COL4A4: variants seen among roughly 807,000 people sequenced by gnomAD.
COL4A4 encodes the protein collagen type IV alpha 4 chain, also known as collagen alpha-4(IV) chain.
COL4A4 carries 105 observed loss-of-function variants against 192.9 expected under a neutral mutation model. The ratio of observed to expected loss-of-function variants is 0.54; its 90% CI spans 0.46 to 0.64. The LOEUF (loss-of-function observed/expected upper bound fraction) is 0.64. Among genes scored for constraint, COL4A4 ranks in the 30% least tolerant of loss-of-function variants. The pLI is 0.00. For missense variants in COL4A4, 1,967 were observed against 2,169.3 expected, an observed-to-expected ratio of 0.91 and a Z score of 1.85; for synonymous variants, 762 against 769.9, an observed-to-expected ratio of 0.99 and a Z score of 0.17.
At chr2:227,023,922 C>G (rs1966511054) in intron 43 of COL4A4, among the ~76,000 whole-genome samples, 1 of 151,930 alleles carries the variant, frequency 6.6e-6, no homozygotes, top group East Asian at 1.9e-4. Flanking sequence ...AGGAGAATCG[C>G]TTGAACCCGG....
At chr2:226,981,569 T>TAC in the COL4A4 span, among the ~76,000 whole-genome samples, 81,254 of 150,164 alleles carry the variant, frequency 0.54, 21,959 homozygotes, top group South Asian at 0.64. Flanking sequence ...TGCACACACA[T>TAC]ACACACACAC....
At chr2:227,052,454 TCA>T in intron 31 of COL4A4, 42 bp from the exon 32 acceptor site, 1 of 1,128,456 alleles carries the variant, frequency 8.9e-7, no homozygotes, top group Non-Finnish European at 1.4e-6. Context: ...AACAGGAACA[TCA>T]CACACATAAT....
chr2:227,011,069 A>C (rs1290258351), intron 45 of COL4A4, among the ~76,000 whole-genome samples: 3 of 152,184 alleles, frequency 2.0e-5, no homozygotes, highest in Admixed American at 6.5e-5. Flanking sequence ...AAATGGAAGG[A>C]AGGCCTTGTT....
At chr2:227,098,929 A>C (rs1191738291) in intron 18 of COL4A4, 131 bp from the exon 19 acceptor site, 5 of 729,626 alleles carry the variant, frequency 6.9e-6, no homozygotes, top group South Asian at 3.5e-5. Flanking sequence ...ATTACATTTA[A>C]AACGAAATAT....
intron 28 of COL4A4, among the ~76,000 whole-genome samples, chr2:227,057,943 T>C (rs1398784637): frequency 1.3e-5 from 2 of 152,262 alleles, no homozygotes; most frequent in Non-Finnish European, 2.9e-5. Context: ...CAGTTTGCAC[T>C]GTATGAATTT....
intron 47 of COL4A4, 151 bp from the exon 48 acceptor site, chr2:227,007,739 A>C: frequency 8.7e-7 from 1 of 1,145,898 alleles, no homozygotes; most frequent in Non-Finnish European, 1.2e-6. Flanking sequence ...AAGGAGTCGT[A>C]CTCAGCATGG....
chr2:227,088,863 TC>T (rs1165351622), intron 21 of COL4A4, 47 bp from the exon 22 acceptor site: 1 of 1,603,574 alleles, frequency 6.2e-7, no homozygotes, highest in Admixed American at 1.7e-5. Flanking sequence ...CTGAATAAAA[TC>T]CCCAATAAGG....
chr2:226,989,922 T>C, the COL4A4 span, among the ~76,000 whole-genome samples: 4 of 152,206 alleles, frequency 2.6e-5, no homozygotes, highest in African/African-American at 9.7e-5. Flanking sequence ...ATTCCAGATA[T>C]TATTTCAGCA....
intron 37 of COL4A4, among the ~76,000 whole-genome samples, chr2:227,041,846 A>AAGAAAGAGAGAGAGAGAGAGAGAG (rs1559478097): frequency 5.3e-4 from 21 of 39,314 alleles, no homozygotes; most frequent in Admixed American, 2.0e-3. Flanking sequence ...GAAAGAAAGA[A>AAGAAAGAGAGAGAGAGAGAGAGAG]AGAGAAAGAA....
chr2:227,103,938 A>C (rs755300991), intron 13 of COL4A4, 34 bp downstream of exon 13: 1 of 1,531,582 alleles, frequency 6.5e-7, no homozygotes, highest in South Asian at 1.1e-5. Flanking sequence ...TTCTACTGCT[A>C]CTTTCCAAGG....
At chr2:227,079,701 G>C (rs1055865721) in intron 24 of COL4A4, among the ~76,000 whole-genome samples, 5 of 152,116 alleles carry the variant, frequency 3.3e-5, no homozygotes. Context: ...TTGACAGATG[G>C]GTAGCCTTGA....
intron 44 of COL4A4, among the ~76,000 whole-genome samples, chr2:227,020,254 C>CA (rs1553619144): frequency 6.6e-6 from 1 of 151,548 alleles, no homozygotes; most frequent in Non-Finnish European, 1.5e-5. Flanking sequence ...CAAATATATA[C>CA]ACAAGGCAGC....
At chr2:227,107,195 G>A (rs2060897164) in intron 12 of COL4A4, among the ~76,000 whole-genome samples, 1 of 152,176 alleles carries the variant, frequency 6.6e-6, no homozygotes, top group Non-Finnish European at 1.5e-5. Flanking sequence ...GAAGGGGAAA[G>A]TAGTTAGGCA....
intron 4 of COL4A4, among the ~76,000 whole-genome samples, chr2:227,121,630 A>C: frequency 6.7e-6 from 1 of 148,804 alleles, no homozygotes; most frequent in East Asian, 1.9e-4. Flanking sequence ...GAAAGGAAAA[A>C]CAAGACAAGA....
intron 2 of COL4A4, among the ~76,000 whole-genome samples, chr2:227,145,036 T>C (rs60814896): frequency 0.021 from 3,236 of 152,128 alleles, 132 homozygotes; most frequent in African/African-American, 0.073. Flanking sequence ...AAGGAAATAA[T>C]ATGGAATATT....
At chr2:226,985,375 A>G in the COL4A4 span, among the ~76,000 whole-genome samples, 1 of 152,202 alleles carries the variant, frequency 6.6e-6, no homozygotes, top group Admixed American at 6.5e-5. Context: ...ACAATAAACA[A>G]CTCCATAATA....
downstream of COL4A4, chr2:226,999,130 T>G (rs1960303984): frequency 6.6e-6 from 1 of 152,246 alleles, no homozygotes; most frequent in Admixed American, 6.5e-5. Flanking sequence ...CATCTGTTTC[T>G]CTGTCTCTCC....
rs1434359218 is a variant in COL4A4, at chr2:227,121,028, C to T, written c.313G>A (p.Asp105Asn). 6.2e-7 allele frequency: 1 copy of T among 1,614,000 alleles called. No individual in the cohort carries two copies. Among genetic ancestry groups the T allele is most frequent in the African/African-American group, 1.3e-5 (1 of 74,920 alleles). The change falls in exon 5 of 48, where the codon GAC becomes AAC. Residue 105 changes from aspartate to asparagine, a missense_variant. Coordinates refer to ENST00000396625, the MANE Select transcript of COL4A4 (RefSeq NM_000092.5). ...ATGTGGCTTACCTTATCTCCTTTGT[C>T]CCCTGCTGCTCCAGGAGGGCCGCGG... ...GDRGPPGAAG[D>N]KGDKGPTGVP...
intron 1 of COL4A4, among the ~76,000 whole-genome samples, chr2:227,153,418 C>G (rs1465240201): frequency 6.6e-6 from 1 of 152,200 alleles, no homozygotes; most frequent in Non-Finnish European, 1.5e-5. Context: ...GGAGCATTCT[C>G]TACAGTTGTG....
Sources: gnomAD v4.1 joint callset for allele counts (sites outside exome capture counted in the v4.1 genomes callset) on GRCh38, gnomAD v4.1.1 for gene constraint, MANE v1.5 for transcripts, NCBI Gene and HGNC (gene_info 2026-07-23, HGNC 2026-07-21) for gene names.